The following AUTS2 variants were observed in gnomAD, a reference collection of about 807,000 sequenced individuals.
AUTS2 encodes the protein autism susceptibility gene 2 protein.
AUTS2 carries 17 observed loss-of-function variants against 112.4 expected under a neutral mutation model. The ratio of observed to expected loss-of-function variants is 0.15; its 90% CI spans 0.10 to 0.23. AUTS2 has a LOEUF of 0.23. AUTS2 is among the 10% of genes least tolerant of loss of function. The probability of loss-of-function intolerance (pLI) is 1.00; values close to 1 mark genes in which losing one functional copy is unlikely to be tolerated. For synonymous variants in AUTS2, 751 were observed against 702.7 expected (o/e 1.07, Z -1.09); for missense variants, 1,510 against 1,701.6 (o/e 0.89, Z 1.98).
At chr7:70,585,831 A>C (rs1280690320) in intron 5 of AUTS2, among the ~76,000 whole-genome samples, 1 of 140,934 alleles carries the variant, frequency 7.1e-6, no homozygotes, top group East Asian at 2.1e-4. Context: ...CAATGAAATA[A>C]AGATTTATTT....
intron 1 of AUTS2, among the ~76,000 whole-genome samples, chr7:69,795,918 C>A (rs1403229666): frequency 6.6e-6 from 1 of 152,140 alleles, no homozygotes; most frequent in Non-Finnish European, 1.5e-5. Context: ...TTTAGGCATG[C>A]CTGCCTGTTC....
chr7:70,259,524 T>C (rs1334414170), intron 4 of AUTS2, among the ~76,000 whole-genome samples: 2 of 152,128 alleles, frequency 1.3e-5, no homozygotes, highest in East Asian at 3.9e-4. Flanking sequence ...CAAGCCTAAT[T>C]CCTTCCCCTG....
chr7:69,859,277 A>G (rs535088432), intron 1 of AUTS2, among the ~76,000 whole-genome samples: 4 of 152,348 alleles, frequency 2.6e-5, no homozygotes, highest in Admixed American at 6.5e-5. Context: ...AAAAAGAAAT[A>G]AAGTTAGAGG....
rs202246440 is a variant in AUTS2 at position 70,099,498 on chromosome 7, A to AT, written c.523-18620dup. On this transcript the variant is annotated intron_variant, in intron 2 of 18. Transcript: ENST00000342771. ...GGCTTTAAGCCCTGTGACTCAGGGG[A>AT]TTTTTTTTTTTTTTGGCTCCCTTAA... Among the ~76,000 whole-genome samples the AT allele has an allele frequency of 6.0e-3, 834 of 138,734 alleles. 2 individuals carry two copies. Among genetic ancestry groups the AT allele is most frequent in the East Asian group, 8.7e-3 (42 of 4,802 alleles). The allele number at this position is 138,734 out of a possible 152,430, so 91.0% of individuals were successfully genotyped here.
intron 4 of AUTS2, among the ~76,000 whole-genome samples, chr7:70,329,546 TG>T (rs2129619304): frequency 6.6e-6 from 1 of 152,040 alleles, no homozygotes; most frequent in East Asian, 1.9e-4. Context: ...CATCTTTTCA[TG>T]TTTTTTGGCC....
intron 1 of AUTS2, among the ~76,000 whole-genome samples, chr7:69,763,011 T>G (rs1300720279): frequency 6.6e-6 from 1 of 152,208 alleles, no homozygotes; most frequent in Non-Finnish European, 1.5e-5. Context: ...ACAAGCCTGT[T>G]AATCAAGTGG....
At chr7:70,066,610 G>A (rs1267422873) in intron 2 of AUTS2, among the ~76,000 whole-genome samples, 1 of 148,242 alleles carries the variant, frequency 6.7e-6, no homozygotes, top group Non-Finnish European at 1.5e-5. Flanking sequence ...GCGCTGTGTC[G>A]GCTCACTGCA....
At chr7:70,236,778 A>G (rs995465692) in intron 4 of AUTS2, among the ~76,000 whole-genome samples, 9 of 152,200 alleles carry the variant, frequency 5.9e-5, no homozygotes, top group African/African-American at 1.4e-4. Flanking sequence ...TTCTCTGTCC[A>G]GTACACATGG....
chr7:69,698,103 A>T (rs116575438), intron 1 of AUTS2, among the ~76,000 whole-genome samples: 17 of 152,322 alleles, frequency 1.1e-4, no homozygotes, highest in Admixed American at 1.1e-3. Context: ...CAATTTATAC[A>T]TAGAACTCTC....
chr7:70,774,460 A>G, intron 12 of AUTS2: 1 of 216,742 alleles, frequency 4.6e-6, no homozygotes, highest in Non-Finnish European at 9.2e-6. Context: ...TTTTGAATGG[A>G]AAAGCACTAA....
In AUTS2 at chr7:69,631,271, C is replaced by A. The variant is rs117386918; in HGVS notation, c.309+31309C>A. Among the ~76,000 whole-genome samples, 1,415 of 152,000 alleles carry A rather than the reference C, an allele frequency of 9.3e-3. 5 individuals carry two copies. Among genetic ancestry groups the A allele is most frequent in the Non-Finnish European group, 0.013 (884 of 67,974 alleles). ...AAGGTCTTGTGCTTGCACAGCTGTTCTGGAAAAAGTAGAAGAGGGCAGTGT... is the reference window on the plus strand; with the variant it reads ...AAGGTCTTGTGCTTGCACAGCTGTTATGGAAAAAGTAGAAGAGGGCAGTGT... On this transcript the variant is annotated intron_variant, in intron 1 of 18. Coordinates refer to ENST00000342771, the MANE Select transcript of AUTS2 (RefSeq NM_015570.4).
intron 4 of AUTS2, among the ~76,000 whole-genome samples, chr7:70,326,587 T>C (rs907523483): frequency 6.6e-6 from 1 of 152,182 alleles, no homozygotes; most frequent in Admixed American, 6.5e-5. Context: ...TGGTTTACCT[T>C]ATTGGCTAGA....
chr7:70,422,377 G>GT (rs1159937710), intron 4 of AUTS2, among the ~76,000 whole-genome samples: 1 of 152,160 alleles, frequency 6.6e-6, no homozygotes, highest in Non-Finnish European at 1.5e-5. Flanking sequence ...AAGAAATACA[G>GT]TTTTTTTATT....
chr7:70,146,958 TACATATATGTAGGTAGGGAC>T (rs1176412993), intron 4 of AUTS2, among the ~76,000 whole-genome samples: 2 of 152,170 alleles, frequency 1.3e-5, no homozygotes, highest in Non-Finnish European at 2.9e-5. Flanking sequence ...TATGCATGTG[TACATATATGTAGGTAGGGAC>T]TATCAAAAGA....
chr7:69,657,018 G>A lies in AUTS2; in HGVS notation c.309+57056G>A, dbSNP rs115438165. The stretch of plus-strand genomic sequence containing the variant: ...ATGAGTCGTGCAGCCTTTCTGGATC[G>A]GGACAGGAAGACTGACCCACTGTCC... On this transcript the variant is annotated intron_variant, in intron 1 of 18. Coordinates refer to ENST00000342771, the MANE Select transcript of AUTS2 (RefSeq NM_015570.4). 6.4e-3 allele frequency among the ~76,000 whole-genome samples: 971 copies of A among 152,202 alleles called. 7 individuals are homozygous for A. The highest frequency in any genetic ancestry group is 0.022 in the African/African-American group (903 of 41,532).
Position 70,055,068 on chromosome 7 carries a change from G to A in AUTS2, c.523-63064G>A, listed in dbSNP as rs1038050753. 3.9e-5 allele frequency among the ~76,000 whole-genome samples: 6 copies of A among 152,020 alleles called. 1 individual carries two copies. In the South Asian group the frequency reaches 6.2e-4, roughly 16 times the overall value. Reference sequence around the variant, plus strand: ...CTACTTTAATTCACATAGAAGTACCGTGAGACTATGTAAACACATCTACTT... The same window carrying A: ...CTACTTTAATTCACATAGAAGTACCATGAGACTATGTAAACACATCTACTT... On this transcript the variant is annotated intron_variant, in intron 2 of 18. Transcript: ENST00000342771.
intron 4 of AUTS2, among the ~76,000 whole-genome samples, chr7:70,432,899 C>A (rs577811415): frequency 2.9e-4 from 44 of 152,226 alleles, no homozygotes; most frequent in Middle Eastern, 3.4e-3. Context: ...ACCATGTGGA[C>A]CCCAGTGCAG....
intron 2 of AUTS2, among the ~76,000 whole-genome samples, chr7:70,017,229 T>G (rs950883190): frequency 1.3e-5 from 2 of 152,230 alleles, no homozygotes; most frequent in Non-Finnish European, 2.9e-5. Context: ...CCAAAGTGAA[T>G]GCACATTTTT....
intron 5 of AUTS2, among the ~76,000 whole-genome samples, chr7:70,513,604 G>T (rs750582006): frequency 1.3e-5 from 2 of 151,634 alleles, no homozygotes; most frequent in Non-Finnish European, 2.9e-5. Flanking sequence ...TATTAGTCCA[G>T]ACCTAACCCC....
Sources: allele counts gnomAD v4.1 joint callset (sites outside exome capture counted in the v4.1 genomes callset), GRCh38; gene constraint gnomAD v4.1.1; transcripts MANE v1.5; gene names NCBI Gene and HGNC (gene_info 2026-07-23, HGNC 2026-07-21).